TRAPPC9: variants seen among roughly 807,000 people sequenced by gnomAD.
TRAPPC9 encodes the protein IKK2 binding protein.
Under a neutral mutation model 124.0 loss-of-function variants are expected in TRAPPC9, and 83 were observed. The ratio of observed to expected loss-of-function variants is 0.67; its 90% CI spans 0.56 to 0.80. The LOEUF is 0.80. Ranked by LOEUF, TRAPPC9 falls within the 30% of genes least tolerant of loss-of-function variation. The pLI is 0.00. For synonymous variants in TRAPPC9, 638 were observed against 617.5 expected (o/e 1.03, Z -0.49); for missense variants, 1,302 against 1,508.3 (o/e 0.86, Z 2.27).
At chr8:140,364,233 T>G (rs538218615) in intron 8 of TRAPPC9, among the ~76,000 whole-genome samples, 3 of 133,216 alleles carry the variant, frequency 2.3e-5, no homozygotes, top group Non-Finnish European at 4.6e-5. Context: ...ATAACTTGCA[T>G]AGAGCCCAGG....
intron 17 of TRAPPC9, among the ~76,000 whole-genome samples, chr8:140,218,040 G>A (rs886669166): frequency 2.7e-5 from 4 of 149,792 alleles, no homozygotes; most frequent in Non-Finnish European, 4.4e-5. Flanking sequence ...AAGTCATGGC[G>A]AAAGTCTAGA....
chr8:140,369,566 T>C (rs2068219277), intron 8 of TRAPPC9, among the ~76,000 whole-genome samples: 1 of 152,150 alleles, frequency 6.6e-6, no homozygotes, highest in African/African-American at 2.4e-5. Flanking sequence ...ATCAGAATTA[T>C]CCAAAAGCAG....
intron 17 of TRAPPC9, among the ~76,000 whole-genome samples, chr8:140,115,032 A>G (rs1225023142): frequency 6.6e-6 from 1 of 152,188 alleles, no homozygotes; most frequent in Non-Finnish European, 1.5e-5. Context: ...AAGCAAAGTA[A>G]AACTGCAGGT....
At chr8:140,125,584 A>ATTTTTTT (rs1442863537) in intron 17 of TRAPPC9, among the ~76,000 whole-genome samples, 1 of 108,230 alleles carries the variant, frequency 9.2e-6, no homozygotes, top group African/African-American at 3.9e-5. Context: ...ATCGAATCTC[A>ATTTTTTT]TTCTTTTTTT....
intron 21 of TRAPPC9, among the ~76,000 whole-genome samples, chr8:139,816,063 C>T (rs1482019801): frequency 3.3e-5 from 5 of 152,180 alleles, no homozygotes; most frequent in South Asian, 4.1e-4. Context: ...CTGGCAAGAA[C>T]GGCTGTGTTT....
chr8:140,129,005 T>TATATATTAA (rs1563783126), intron 17 of TRAPPC9, among the ~76,000 whole-genome samples: 1,768 of 134,482 alleles, frequency 0.013, 16 homozygotes, highest in Non-Finnish European at 0.021. Context: ...ATATATATAT[T>TATATATTAA]AAAAAAAAAA....
At position 140,168,558 on chromosome 8, in the gene TRAPPC9, G is replaced by A. The variant is rs111472680; in HGVS notation, c.2556+52901C>T. ...CCTGTTCTCAAGGCTCATGGATGCT[G>A]AGTAACTGCTGCTAGCACGAGTTAG... is the stretch of plus-strand genomic sequence containing the variant. On this transcript the variant is annotated intron_variant, in intron 17 of 22. Transcript: ENST00000438773. 4.3e-3 allele frequency among the ~76,000 whole-genome samples: 650 copies of A among 152,320 alleles called. 3 individuals carry two copies. The highest frequency in any genetic ancestry group is 0.015 in the African/African-American group (618 of 41,556).
intron 11 of TRAPPC9, among the ~76,000 whole-genome samples, chr8:140,294,700 C>T (rs568261450): frequency 3.1e-4 from 46 of 149,880 alleles, no homozygotes; most frequent in Admixed American, 1.6e-3. Flanking sequence ...TTCCACTTCC[C>T]GGGTTCAAAC....
Position 140,284,035 on chromosome 8 carries a change from G to C in TRAPPC9, c.1982-14C>G, listed in dbSNP as rs2065409670. ...TGGTATGGTAACCTGGAATAGAAAAGGAACTTCTTCACTCCACTGGCAAGG... is the reference window on the plus strand; with the variant it reads ...TGGTATGGTAACCTGGAATAGAAAACGAACTTCTTCACTCCACTGGCAAGG... On this transcript the variant is annotated splice_polypyrimidine_tract_variant and intron_variant, in intron 13 of 22. Transcript: ENST00000438773. 3 of 1,613,802 alleles carry C rather than the reference G, an allele frequency of 1.9e-6. No homozygotes were observed. The highest frequency in any genetic ancestry group is 2.7e-5 in the African/African-American group (2 of 74,914).
chr8:140,455,967 A>C (rs1368733396), intron 1 of TRAPPC9, among the ~76,000 whole-genome samples: 2 of 152,200 alleles, frequency 1.3e-5, no homozygotes, highest in Middle Eastern at 3.2e-3. Context: ...TGAATATGCA[A>C]ATCTATATAT....
chr8:140,291,286 A>C, intron 11 of TRAPPC9: 2 of 634,326 alleles, frequency 3.2e-6, no homozygotes. Context: ...CTTTGATGCC[A>C]CATGAATGGC....
At chr8:139,931,968 A>G in intron 19 of TRAPPC9, 1 of 204,738 alleles carries the variant, frequency 4.9e-6, no homozygotes, top group South Asian at 8.3e-5. Flanking sequence ...CACACATCCA[A>G]ATTAGAAAAT....
At chr8:140,137,116 C>A (rs1222563449) in intron 17 of TRAPPC9, among the ~76,000 whole-genome samples, 4 of 152,128 alleles carry the variant, frequency 2.6e-5, no homozygotes, top group African/African-American at 9.7e-5. Flanking sequence ...AGGGCCAGCA[C>A]CCACAGGGCT....
intron 17 of TRAPPC9, among the ~76,000 whole-genome samples, chr8:140,209,075 C>G (rs1032412436): frequency 1.3e-5 from 2 of 152,180 alleles, no homozygotes; most frequent in Non-Finnish European, 2.9e-5. Context: ...TTGCTCAGCA[C>G]AGCAAACCAT....
chr8:140,405,971 A>G (rs1478475158), intron 5 of TRAPPC9, among the ~76,000 whole-genome samples: 3 of 152,256 alleles, frequency 2.0e-5, no homozygotes, highest in African/African-American at 7.2e-5. Context: ...ACATATTTAC[A>G]GTAACTAGCT....
At chr8:139,809,007 C>A (rs1824254774) in intron 21 of TRAPPC9, among the ~76,000 whole-genome samples, 1 of 152,240 alleles carries the variant, frequency 6.6e-6, no homozygotes. Flanking sequence ...TGACTCCAAA[C>A]CCCTTTGTGT....
intron 17 of TRAPPC9, among the ~76,000 whole-genome samples, chr8:140,055,101 G>T (rs1482612713): frequency 6.6e-6 from 1 of 152,138 alleles, no homozygotes; most frequent in Non-Finnish European, 1.5e-5. Flanking sequence ...AAAAACTACA[G>T]GCTAATAACC....
chr8:140,265,311 T>G (rs1261567858), intron 15 of TRAPPC9, among the ~76,000 whole-genome samples: 4 of 152,238 alleles, frequency 2.6e-5, no homozygotes, highest in African/African-American at 9.6e-5. Context: ...ATTTGTGTAT[T>G]AAGTTCTGTA....
intron 17 of TRAPPC9, among the ~76,000 whole-genome samples, chr8:140,166,576 G>A (rs1037447057): frequency 6.6e-6 from 1 of 152,182 alleles, no homozygotes; most frequent in African/African-American, 2.4e-5. Context: ...AGTGTTTCTA[G>A]GGAAATATTT....
Sources: allele counts gnomAD v4.1 joint callset (sites outside exome capture counted in the v4.1 genomes callset), GRCh38; gene constraint gnomAD v4.1.1; transcripts MANE v1.5; gene names NCBI Gene and HGNC (gene_info 2026-07-23, HGNC 2026-07-21).